The following WWOX variants were observed in gnomAD, a reference collection of about 807,000 sequenced individuals.
WWOX encodes the protein WW domain-containing oxidoreductase.
A neutral mutation model predicts 46.2 loss-of-function variants in WWOX; 69 were observed. That is an observed-to-expected ratio of 1.49 (90% CI 1.23 to 1.82). The LOEUF (loss-of-function observed/expected upper bound fraction) is 1.82, where lower values mean the gene tolerates loss of function less well. Ranked by LOEUF, WWOX falls within the 40% of genes most tolerant of loss-of-function variation. The pLI is 0.00. For synonymous variants in WWOX, 359 were observed against 202.6 expected (o/e 1.77, Z -6.56); for missense variants, 919 against 542.6 (o/e 1.69, Z -6.89).
chr16:79,123,638 T>C (rs2049687325), intron 8 of WWOX, among the ~76,000 whole-genome samples: 1 of 152,114 alleles, frequency 6.6e-6, no homozygotes, highest in Non-Finnish European at 1.5e-5. Flanking sequence ...ACCCCAAGGC[T>C]CCAGGCTTTT....
At chr16:79,146,999 C>G (rs993117011) in intron 8 of WWOX, among the ~76,000 whole-genome samples, 8 of 152,154 alleles carry the variant, frequency 5.3e-5, no homozygotes, top group African/African-American at 1.9e-4. Flanking sequence ...CTCAGTTTCC[C>G]CCAGTGATAG....
chr16:78,399,414 C>G (rs763897056), intron 6 of WWOX, among the ~76,000 whole-genome samples: 5 of 152,188 alleles, frequency 3.3e-5, no homozygotes, highest in Non-Finnish European at 2.9e-5. Flanking sequence ...GGTTTTCTTA[C>G]AAGGAATCTA....
rs1339234905 is a variant in WWOX, at chr16:78,655,925, T to C, written c.1056+223173T>C. Among the ~76,000 whole-genome samples the C allele has an allele frequency of 2.0e-5, 3 of 152,178 alleles. No individual in the cohort carries two copies. The East Asian group carries it at 5.8e-4, about 29-fold the overall frequency. ...CTCTGTATTCGAGCGTGGTTATCTT[T>C]GTGCATCTTAAAATCCACAATGCAC... On this transcript the variant is annotated intron_variant, in intron 8 of 8. Transcript: ENST00000566780.
At chr16:78,562,967 G>C (rs2044474440) in intron 8 of WWOX, among the ~76,000 whole-genome samples, 1 of 151,266 alleles carries the variant, frequency 6.6e-6, no homozygotes, top group African/African-American at 2.4e-5. Context: ...AGATCCCTCT[G>C]AAAAGCTTTA....
At chr16:78,495,897 T>C (rs2084906887) in intron 8 of WWOX, 1 of 152,170 alleles carries the variant, frequency 6.6e-6, no homozygotes, top group South Asian at 2.1e-4. Flanking sequence ...TTTCGGTTAC[T>C]AGTTAGGTAA....
chr16:78,314,514 C>A (rs2080315235), intron 5 of WWOX, among the ~76,000 whole-genome samples: 1 of 147,606 alleles, frequency 6.8e-6, no homozygotes, highest in South Asian at 2.1e-4. Context: ...CAGGATGGTG[C>A]CAATTTGTGG....
At chr16:78,797,947 C>G (rs1305894770) in intron 8 of WWOX, among the ~76,000 whole-genome samples, 2 of 152,186 alleles carry the variant, frequency 1.3e-5, no homozygotes, top group Admixed American at 6.5e-5. Flanking sequence ...ATGGTCACAC[C>G]ACTGCCCTCA....
At chr16:78,918,498 A>G (rs75858387) in intron 8 of WWOX, among the ~76,000 whole-genome samples, 1,594 of 152,178 alleles carry the variant, frequency 0.01, 50 homozygotes, top group South Asian at 0.094. Flanking sequence ...TTGTCTCTGT[A>G]ATGAATGTGT....
intron 5 of WWOX, among the ~76,000 whole-genome samples, chr16:78,291,966 G>A (rs2079865630): frequency 2.0e-5 from 3 of 151,986 alleles, no homozygotes; most frequent in African/African-American, 7.3e-5. Flanking sequence ...CTGGATATTG[G>A]GTCAACCATA....
chr16:78,710,691 T>G (rs1078285), intron 8 of WWOX, among the ~76,000 whole-genome samples: 1 of 150,156 alleles, frequency 6.7e-6, no homozygotes, highest in African/African-American at 2.5e-5. Flanking sequence ...CATGGCTCAC[T>G]GTAGCCTCAA....
At chr16:79,114,159 G>A (rs2049467168) in intron 8 of WWOX, among the ~76,000 whole-genome samples, 2 of 152,096 alleles carry the variant, frequency 1.3e-5, no homozygotes, top group South Asian at 4.1e-4. Context: ...ATTGCTGCTT[G>A]TTAAGTGCAT....
chr16:79,142,361 G>A (rs2050106486), intron 8 of WWOX, among the ~76,000 whole-genome samples: 1 of 152,170 alleles, frequency 6.6e-6, no homozygotes, highest in African/African-American at 2.4e-5. Flanking sequence ...ACCAGCAGGA[G>A]CCAATGATTA....
intron 8 of WWOX, among the ~76,000 whole-genome samples, chr16:78,685,223 G>C (rs887194563): frequency 6.6e-6 from 1 of 152,166 alleles, no homozygotes; most frequent in Non-Finnish European, 1.5e-5. Context: ...CAGGGCAGGA[G>C]TATTCCCTAA....
chr16:78,698,298 C>T (rs941290836), intron 8 of WWOX, among the ~76,000 whole-genome samples: 1 of 152,312 alleles, frequency 6.6e-6, no homozygotes, highest in African/African-American at 2.4e-5. Flanking sequence ...CTGACCCCAT[C>T]AGTGTGCAGA....
intron 5 of WWOX, among the ~76,000 whole-genome samples, chr16:78,305,367 C>T (rs185173242): frequency 2.0e-5 from 3 of 152,198 alleles, no homozygotes; most frequent in Non-Finnish European, 4.4e-5. Flanking sequence ...TCACAATAGC[C>T]AGGAGGAAAA....
intron 5 of WWOX, among the ~76,000 whole-genome samples, chr16:78,194,381 AG>A (rs993773504): frequency 1.3e-5 from 2 of 151,564 alleles, no homozygotes; most frequent in Admixed American, 6.6e-5. Flanking sequence ...TGAGGTCAGG[AG>A]TTCAAGACCA....
intron 5 of WWOX, among the ~76,000 whole-genome samples, chr16:78,354,666 G>C (rs1047108744): frequency 1.3e-5 from 2 of 151,780 alleles, no homozygotes; most frequent in African/African-American, 4.8e-5. Flanking sequence ...GTTGGATTTT[G>C]TTTTTTGGTT....
At chr16:78,678,783 C>A (rs2047662138) in intron 8 of WWOX, among the ~76,000 whole-genome samples, 1 of 152,068 alleles carries the variant, frequency 6.6e-6, no homozygotes. Flanking sequence ...TTGTGCGTGG[C>A]CTGGGGTTAA....
At chr16:78,372,051 C>G (rs1444254845) in intron 5 of WWOX, among the ~76,000 whole-genome samples, 1 of 152,146 alleles carries the variant, frequency 6.6e-6, no homozygotes, top group East Asian at 1.9e-4. Context: ...CTGGCCAACT[C>G]TAAGTCTCAC....
Sources: allele counts gnomAD v4.1 joint callset (sites outside exome capture counted in the v4.1 genomes callset), GRCh38; gene constraint gnomAD v4.1.1; transcripts MANE v1.5; gene names NCBI Gene and HGNC (gene_info 2026-07-23, HGNC 2026-07-21).